PRRC2C: variants seen among roughly 807,000 people sequenced by gnomAD.
The protein encoded by PRRC2C is proline rich coiled-coil 2C.
Under a neutral mutation model 317.2 loss-of-function variants are expected in PRRC2C, and 72 were observed. The ratio of observed to expected loss-of-function variants is 0.23; its 90% CI spans 0.19 to 0.28. The LOEUF is 0.28. Ranked by LOEUF, PRRC2C falls within the 10% of genes least tolerant of loss-of-function variation. The probability of loss-of-function intolerance (pLI) is 1.00; values close to 1 mark genes in which losing one functional copy is unlikely to be tolerated. For synonymous variants in PRRC2C, 1,296 were observed against 1,205.9 expected, an observed-to-expected ratio of 1.07 and a Z score of -1.55; for missense variants, 3,074 against 3,459.7, an observed-to-expected ratio of 0.89 and a Z score of 2.80.
At chr1:171,560,882 T>A in intron 19 of PRRC2C, 136 bp from the exon 20 acceptor site, 1 of 753,900 alleles carries the variant, frequency 1.3e-6, no homozygotes, top group South Asian at 1.5e-5. Context: ...TCTTTGTAAG[T>A]CTGATTTGAA....
intron 17 of PRRC2C, among the ~76,000 whole-genome samples, chr1:171,548,590 A>G (rs1198824870): frequency 6.6e-6 from 1 of 152,190 alleles, no homozygotes; most frequent in African/African-American, 2.4e-5. Context: ...CTTGATACTT[A>G]TTATTCAGAC....
chr1:171,532,701 A>G lies in PRRC2C; in HGVS notation c.1613A>G (p.Glu538Gly). The G allele has an allele frequency of 6.4e-7, 1 of 1,551,068 alleles. No individual in the cohort carries two copies. The highest frequency in any genetic ancestry group is 1.2e-5 in the South Asian group (1 of 83,684). The change falls in exon 12 of 35, where the codon GAG becomes GGG. Residue 538 changes from glutamate to glycine, a missense_variant. Transcript: ENST00000647382. ...GAGAAGGAGAGGGAAAAAGACAGAG[A>G]GAGACAGCAGGAAAAGGAGAAAGAG... ...EREKEREKDR[E>G]RQQEKEKELE...
intron 25 of PRRC2C, among the ~76,000 whole-genome samples, chr1:171,577,042 T>C (rs924017829): frequency 1.3e-5 from 2 of 152,216 alleles, no homozygotes; most frequent in African/African-American, 4.8e-5. Context: ...GGTATAGCAC[T>C]TTTCTCTTTT....
chr1:171,528,284 A>AAATT (rs1675049571), intron 11 of PRRC2C, among the ~76,000 whole-genome samples: 1 of 145,420 alleles, frequency 6.9e-6, no homozygotes, highest in Non-Finnish European at 1.5e-5. Context: ...TCCATCAGTG[A>AAATT]AATTTTTTTT....
chr1:171,519,321 A>G (rs1202646043), intron 6 of PRRC2C, among the ~76,000 whole-genome samples: 1 of 152,218 alleles, frequency 6.6e-6, no homozygotes, highest in East Asian at 1.9e-4. Flanking sequence ...TAATTCCTTG[A>G]TATTCTCAAA....
chr1:171,512,054 G>A lies in PRRC2C; in HGVS notation c.-35G>A. ...AAGGACTGGGGTTTTAAGGGGTGTG[G>A]CAGGAGGTTTTGGACTCGATGAGTT... is the stretch of plus-strand genomic sequence containing the variant. On this transcript the variant is annotated 5_prime_UTR_variant, in exon 2 of 35. Coordinates refer to ENST00000647382, the MANE Select transcript of PRRC2C (RefSeq NM_001387844.1). The A allele has an allele frequency of 7.8e-7, 1 of 1,286,300 alleles. No individual in the cohort carries two copies. Among genetic ancestry groups the A allele is most frequent in the Non-Finnish European group, 1.1e-6 (1 of 915,360 alleles). The allele number at this position is 1,286,300 out of a possible 1,614,324, so 79.7% of individuals were successfully genotyped here.
chr1:171,569,548 A>C (rs1472112635), intron 23 of PRRC2C, among the ~76,000 whole-genome samples: 22 of 117,696 alleles, frequency 1.9e-4, no homozygotes, highest in East Asian at 8.1e-4. Flanking sequence ...CCTCCCACCC[A>C]CCCCCCACTT....
chr1:171,507,824 T>C (rs1011021947), intron 1 of PRRC2C, among the ~76,000 whole-genome samples: 8 of 152,216 alleles, frequency 5.3e-5, no homozygotes, highest in African/African-American at 1.9e-4. Context: ...CGATTTCTTG[T>C]ATCAATATTT....
At chr1:171,501,406 C>A (rs1446454729) in intron 1 of PRRC2C, among the ~76,000 whole-genome samples, 3 of 152,220 alleles carry the variant, frequency 2.0e-5, no homozygotes, top group Non-Finnish European at 4.4e-5. Flanking sequence ...GCTGGCATTA[C>A]AGATGTGAGC....
chr1:171,565,763 T>C (rs1683532260), intron 20 of PRRC2C, among the ~76,000 whole-genome samples: 2 of 152,222 alleles, frequency 1.3e-5, no homozygotes, highest in Admixed American at 1.3e-4. Flanking sequence ...ACTGTTTAAT[T>C]GGTGGATTGA....
At chr1:171,537,532 T>C (rs1427997029) in intron 15 of PRRC2C, 59 bp downstream of exon 15, 2 of 1,416,814 alleles carry the variant, frequency 1.4e-6, no homozygotes, top group Non-Finnish European at 1.9e-6. Context: ...AGGAAAACTG[T>C]GTAGTGTTTC....
chr1:171,519,124 T>G (rs1363408577), intron 6 of PRRC2C, among the ~76,000 whole-genome samples: 1 of 152,156 alleles, frequency 6.6e-6, no homozygotes, highest in East Asian at 1.9e-4. Context: ...CGTCAAGTGA[T>G]CCACCCGCCT....
chr1:171,563,535 C>T (rs1334267593), intron 20 of PRRC2C, among the ~76,000 whole-genome samples: 3 of 151,914 alleles, frequency 2.0e-5, no homozygotes, highest in African/African-American at 7.3e-5. Flanking sequence ...CGTCATTTTG[C>T]TATAAAGGAG....
At chr1:171,508,366 G>A (rs1481843987) in intron 1 of PRRC2C, among the ~76,000 whole-genome samples, 1 of 152,164 alleles carries the variant, frequency 6.6e-6, no homozygotes, top group Non-Finnish European at 1.5e-5. Context: ...GTTAAACTTT[G>A]TCACGTGGTT....
Position 171,485,615 on chromosome 1 carries a change from G to T in PRRC2C, c.-178G>T, listed in dbSNP as rs1483602412. On this transcript the variant is annotated 5_prime_UTR_variant, in exon 1 of 35. Coordinates refer to ENST00000647382, the MANE Select transcript of PRRC2C (RefSeq NM_001387844.1). ...GGCGGTTTGTCCATCCGCAGCTTCG[G>T]CTTTTCCAGTCTGGTGGCCCTTCCG... 1 of 152,660 alleles carries T rather than the reference G, an allele frequency of 6.6e-6. No individual in the cohort carries two copies. The highest frequency in any genetic ancestry group is 1.5e-5 in the Non-Finnish European group (1 of 68,062). 9.5% of individuals were successfully genotyped at this position (152,660 alleles called of 1,614,324 possible).
Position 171,566,676 on chromosome 1 carries a change from A to G in PRRC2C, c.6391A>G (p.Lys2131Glu). The G allele has an allele frequency of 6.2e-7, 1 of 1,612,302 alleles. No homozygotes were observed. Among genetic ancestry groups the G allele is most frequent in the Non-Finnish European group, 8.5e-7 (1 of 1,179,044 alleles). The change falls in exon 22 of 35, where the codon AAA becomes GAA. Residue 2131 changes from lysine (K) to glutamate (E), a missense_variant. Around this residue, in one of 11 missense-constraint regions of PRRC2C, gnomAD observed 640 missense variants for 676.1 expected, o/e 0.95. Transcript: ENST00000647382. ...ACGTTCATTAAAAAATAGAAAAGTA[A>G]AAGATGCCCAACAGGTGGAGCCAGA... is the stretch of plus-strand genomic sequence containing the variant. ...KERSLKNRKV[K>E]DAQQVEPEGQ...
At chr1:171,570,974 A>C (rs1239612232) in intron 23 of PRRC2C, among the ~76,000 whole-genome samples, 3 of 152,176 alleles carry the variant, frequency 2.0e-5, no homozygotes, top group African/African-American at 7.2e-5. Flanking sequence ...ACATAGACCA[A>C]TTGAATCAAA....
intron 1 of PRRC2C, chr1:171,511,741 TAGAC>T (rs755089950): frequency 1.2e-4 from 19 of 158,140 alleles, no homozygotes; most frequent in Non-Finnish European, 2.4e-4. Flanking sequence ...CTTTTTAAAA[TAGAC>T]AGTCTCAGTG....
Position 171,566,730 on chromosome 1 carries a change from G to T in PRRC2C, c.6445G>T (p.Val2149Phe). The change falls in exon 22 of 35, where the codon GTC (valine) becomes TTC (phenylalanine). Residue 2149 changes from valine (V) to phenylalanine (F), a missense_variant. Transcript: ENST00000647382. ...EGQEKPSPAT[V>F]RSTDPVTTKE... is the part of the protein sequence containing the mutation. Reference sequence around the variant, plus strand: ...ACAAGAGAAACCAAGCCCAGCTACAGTCAGAAGCACAGATCCTGTCACGAC... The same window carrying T: ...ACAAGAGAAACCAAGCCCAGCTACATTCAGAAGCACAGATCCTGTCACGAC... The T allele has an allele frequency of 6.2e-7, 1 of 1,613,738 alleles. No homozygotes were observed. The highest frequency in any genetic ancestry group is 8.5e-7 in the Non-Finnish European group (1 of 1,179,808).
Sources: allele counts gnomAD v4.1 joint callset (sites outside exome capture counted in the v4.1 genomes callset), GRCh38; gene constraint gnomAD v4.1.1; regional missense constraint gnomAD v4.1.1; transcripts MANE v1.5; gene names NCBI Gene and HGNC (gene_info 2026-07-23, HGNC 2026-07-21).